The following KIRREL3 variants were observed in gnomAD, a reference collection of about 807,000 sequenced individuals.
KIRREL3 encodes kin of IRRE-like protein 3.
KIRREL3 carries 36 observed loss-of-function variants against 89.7 expected under a neutral mutation model. The observed-to-expected ratio is 0.40, with a 90% CI of 0.31 to 0.53. KIRREL3 has a LOEUF of 0.53. KIRREL3 is among the 20% of genes least tolerant of loss of function. The pLI, the probability that KIRREL3 is intolerant of heterozygous loss-of-function variation, is 0.49. For missense variants in KIRREL3, 864 were observed against 1,056.6 expected (o/e 0.82, Z 2.53); for synonymous variants, 445 against 441.4 (o/e 1.01, Z -0.10).
intron 1 of KIRREL3, among the ~76,000 whole-genome samples, chr11:126,765,713 G>T (rs983854317): frequency 1.3e-5 from 2 of 152,130 alleles, no homozygotes; most frequent in South Asian, 2.1e-4. Context: ...AAGCAACCCC[G>T]CAACAAAGCT....
At position 126,703,554 on chromosome 11, in the gene KIRREL3, C is replaced by T. The variant is rs559183567; in HGVS notation, c.56-140642G>A. On this transcript the variant is annotated intron_variant, in intron 1 of 16. Coordinates refer to ENST00000525144, the MANE Select transcript of KIRREL3 (RefSeq NM_032531.4). The surrounding 1 kb of genome is among the most constrained non-coding windows in gnomAD (Gnocchi z 4.6). ...ACTGAGGCCAAAGGAATTAAGTGAT[C>T]GGTCAGAGGTCAGTCAGATCGGGAG... 5.6e-4 allele frequency among the ~76,000 whole-genome samples: 86 copies of T among 152,316 alleles called. 1 individual carries two copies. Among genetic ancestry groups the T allele is most frequent in the African/African-American group, 1.9e-3 (80 of 41,566 alleles).
In KIRREL3 at chr11:126,908,668, A is replaced by C. The variant is rs558151869; in HGVS notation, c.55+91787T>G. Among the ~76,000 whole-genome samples the C allele has an allele frequency of 2.0e-5, 3 of 152,322 alleles. No homozygotes were observed. Among genetic ancestry groups the C allele is most frequent in the African/African-American group, 7.2e-5 (3 of 41,566 alleles). ...AAAATCACAAATTCATTCATTTAAC[A>C]AGTATTAAAGGGCTTCCCATACACC... On this transcript the variant is annotated intron_variant, in intron 1 of 16. Coordinates refer to ENST00000525144, the MANE Select transcript of KIRREL3 (RefSeq NM_032531.4). This position sits in a 1 kb window ranked among gnomAD's most constrained non-coding sequence, Gnocchi z 4.2.
At chr11:126,930,239 C>G (rs1215309973) in intron 1 of KIRREL3, among the ~76,000 whole-genome samples, 1 of 142,306 alleles carries the variant, frequency 7.0e-6, no homozygotes. Context: ...TTTTTTCTTT[C>G]CAGATCTGCT....
chr11:126,762,867 C>T (rs1358005548), intron 1 of KIRREL3, among the ~76,000 whole-genome samples: 5 of 152,088 alleles, frequency 3.3e-5, no homozygotes, highest in Non-Finnish European at 7.4e-5. Flanking sequence ...AGTGGGGTCT[C>T]GAGCAAAACT....
chr11:126,805,738 G>A lies in KIRREL3; in HGVS notation c.55+194717C>T, dbSNP rs1951184198. Among the ~76,000 whole-genome samples the A allele has an allele frequency of 6.6e-6, 1 of 152,170 alleles. No individual in the cohort carries two copies. The highest frequency in any genetic ancestry group is 2.4e-5 in the African/African-American group (1 of 41,444). ...GAAAGAAAAGGGAAGGACAGGGAGA[G>A]GGAGGAAGAGAAGCAAGGAAGAAAA... On this transcript the variant is annotated intron_variant, in intron 1 of 16. Coordinates refer to ENST00000525144, the MANE Select transcript of KIRREL3 (RefSeq NM_032531.4). The surrounding 1 kb of genome is among the most constrained non-coding windows in gnomAD (Gnocchi z 4.3).
rs1958095949 is a variant in KIRREL3, at chr11:126,508,421, C to T, written c.433+12894G>A. ...TACTGAATGGGATGGCAAATGAATG[C>T]TGCGGGTCTCGGGGCTCCCCAGGTC... On this transcript the variant is annotated intron_variant, in intron 4 of 16. Transcript: ENST00000525144. This position sits in a 1 kb window ranked among gnomAD's most constrained non-coding sequence, Gnocchi z 4.9. Among the ~76,000 whole-genome samples, 1 of 152,052 alleles carries T rather than the reference C, an allele frequency of 6.6e-6. No homozygotes were observed. Among genetic ancestry groups the T allele is most frequent in the Admixed American group, 6.6e-5 (1 of 15,266 alleles).
chr11:126,540,701 C>A (rs1938297703), intron 2 of KIRREL3, among the ~76,000 whole-genome samples: 1 of 152,240 alleles, frequency 6.6e-6, no homozygotes, highest in Non-Finnish European at 1.5e-5. Flanking sequence ...GTGCCCATGG[C>A]AGAGCCCATC....
chr11:126,952,492 G>C (rs889712287), intron 1 of KIRREL3, among the ~76,000 whole-genome samples: 5 of 152,106 alleles, frequency 3.3e-5, no homozygotes, highest in Non-Finnish European at 7.3e-5. Flanking sequence ...CCCTTTGTCA[G>C]ACGAATAGAT....
At position 126,643,046 on chromosome 11, in the gene KIRREL3, T is replaced by C. The variant is rs1291491268; in HGVS notation, c.56-80134A>G. ...TCCATCCATCCAATGCAAGGCATAT[T>C]GTAATAAAGGAGACACAACTCTAGG... On this transcript the variant is annotated intron_variant, in intron 1 of 16. Coordinates refer to ENST00000525144, the MANE Select transcript of KIRREL3 (RefSeq NM_032531.4). This position sits in a 1 kb window ranked among gnomAD's most constrained non-coding sequence, Gnocchi z 4.5. Among the ~76,000 whole-genome samples, 13 of 146,810 alleles carry C rather than the reference T, an allele frequency of 8.9e-5. 1 individual carries two copies. Among genetic ancestry groups the C allele is most frequent in the Non-Finnish European group, 1.5e-4 (10 of 66,288 alleles).
At chr11:126,786,178 C>T (rs968224920) in intron 1 of KIRREL3, among the ~76,000 whole-genome samples, 25 of 151,758 alleles carry the variant, frequency 1.6e-4, no homozygotes, top group East Asian at 5.8e-4. Flanking sequence ...ATGAGAATTA[C>T]ATAATATGAA....
chr11:126,429,336 T>G lies in KIRREL3; in HGVS notation c.1697-48A>C, dbSNP rs1219280992. The G allele has an allele frequency of 7.2e-7, 1 of 1,380,938 alleles. No individual in the cohort carries two copies. The highest frequency in any genetic ancestry group is 1.4e-5 in the African/African-American group (1 of 70,348). The allele number at this position is 1,380,938 out of a possible 1,614,324, so 85.5% of individuals were successfully genotyped here. A position where few individuals can be genotyped will look rare whatever the true frequency, so the allele number is the denominator to read the frequency against. ...TAGATGATAGATTTAGTTCTTACCT[T>G]TGAGATGTCAAGCTCCCTTGCAGTC... On this transcript the variant is annotated intron_variant, in intron 14 of 16. Coordinates refer to ENST00000525144, the MANE Select transcript of KIRREL3 (RefSeq NM_032531.4). The surrounding 1 kb of genome is among the most constrained non-coding windows in gnomAD (Gnocchi z 5.2).
intron 1 of KIRREL3, among the ~76,000 whole-genome samples, chr11:126,753,965 T>A (rs970049742): frequency 1.3e-5 from 2 of 152,198 alleles, no homozygotes; most frequent in Admixed American, 6.5e-5. Flanking sequence ...TGTGTCTTCC[T>A]TTTCAGACTG....
chr11:126,545,517 T>C (rs113889863), intron 2 of KIRREL3, among the ~76,000 whole-genome samples: 68 of 152,044 alleles, frequency 4.5e-4, no homozygotes, highest in African/African-American at 1.6e-3. Flanking sequence ...ACGCCTGTAA[T>C]CCCAGCACTT....
intron 4 of KIRREL3, among the ~76,000 whole-genome samples, chr11:126,504,702 A>G (rs1487210163): frequency 1.3e-5 from 2 of 152,228 alleles, no homozygotes; most frequent in African/African-American, 2.4e-5. Flanking sequence ...AGACATAATA[A>G]GAAAAGAGAA....
rs1427078559 is a variant in KIRREL3 at position 126,639,359 on chromosome 11, T to C, written c.56-76447A>G. On this transcript the variant is annotated intron_variant, in intron 1 of 16. Transcript: ENST00000525144. The surrounding 1 kb of genome is among the most constrained non-coding windows in gnomAD (Gnocchi z 4.3). ...TTGGGTCCTTTTCTTTTTGTACCTC[T>C]GGGTAAGCAAAAGGAAAAACGTTCC... Among the ~76,000 whole-genome samples the C allele has an allele frequency of 2.0e-5, 3 of 152,264 alleles. No homozygotes were observed. Among genetic ancestry groups the C allele is most frequent in the African/African-American group, 7.2e-5 (3 of 41,472 alleles).
In KIRREL3 at chr11:126,565,719, T is replaced by C. The variant is rs746219708; in HGVS notation, c.56-2807A>G. On this transcript the variant is annotated intron_variant, in intron 1 of 16. Transcript: ENST00000525144. This position sits in a 1 kb window ranked among gnomAD's most constrained non-coding sequence, Gnocchi z 5.4. ...ATTTGCAAAGCTAAATTAAAGGTCA[T>C]TGGGTTCACATGAGTGTGCCAGCAG... Among the ~76,000 whole-genome samples the C allele has an allele frequency of 7.9e-5, 12 of 152,078 alleles. No homozygotes were observed. The highest frequency in any genetic ancestry group is 2.0e-4 in the Admixed American group (3 of 15,272).
At position 126,501,642 on chromosome 11, in the gene KIRREL3, T is replaced by C. The variant is rs1000468347; in HGVS notation, c.433+19673A>G. ...AGGGAAGGAACACACTGCCCACTCA[T>C]CTATGACAAATCAATTAATTTGTCC... On this transcript the variant is annotated intron_variant, in intron 4 of 16. Coordinates refer to ENST00000525144, the MANE Select transcript of KIRREL3 (RefSeq NM_032531.4). The surrounding 1 kb of genome is among the most constrained non-coding windows in gnomAD (Gnocchi z 5.8). Among the ~76,000 whole-genome samples, 1 of 152,172 alleles carries C rather than the reference T, an allele frequency of 6.6e-6. No individual in the cohort carries two copies.
At chr11:126,597,260 T>A (rs1217758313) in intron 1 of KIRREL3, among the ~76,000 whole-genome samples, 1 of 152,362 alleles carries the variant, frequency 6.6e-6, no homozygotes, top group East Asian at 1.9e-4. Flanking sequence ...CCTGTCACTC[T>A]GCAGCTCCGC....
chr11:126,901,816 G>C (rs754289198), intron 1 of KIRREL3, among the ~76,000 whole-genome samples: 18 of 152,280 alleles, frequency 1.2e-4, no homozygotes, highest in Non-Finnish European at 2.4e-4. Context: ...CATGGCTCTG[G>C]AGAGCAAAAT....
Sources: allele counts gnomAD v4.1 joint callset (sites outside exome capture counted in the v4.1 genomes callset), GRCh38; gene constraint gnomAD v4.1.1; non-coding constraint Gnocchi (gnomAD v3.1); transcripts MANE v1.5; gene names NCBI Gene and HGNC (gene_info 2026-07-23, HGNC 2026-07-21).